GNA12: variants seen among roughly 807,000 people sequenced by gnomAD.
GNA12 encodes the protein G protein subunit alpha 12, also known as guanine nucleotide-binding protein subunit alpha-12.
GNA12 carries 9 observed loss-of-function variants against 26.0 expected under a neutral mutation model. That is an observed-to-expected ratio of 0.35 (90% CI 0.21 to 0.60). The LOEUF (loss-of-function observed/expected upper bound fraction) is 0.60, where lower values mean the gene tolerates loss of function less well. Among genes scored for constraint, GNA12 ranks in the 20% least tolerant of loss-of-function variants. The probability of loss-of-function intolerance (pLI) is 0.78; values close to 1 mark genes in which losing one functional copy is unlikely to be tolerated. For missense variants in GNA12, 405 were observed against 525.8 expected, an observed-to-expected ratio of 0.77 and a Z score of 2.25; for synonymous variants, 264 against 219.6, an observed-to-expected ratio of 1.20 and a Z score of -1.79.
At chr7:2,761,083 T>C (rs1338159591) in intron 2 of GNA12, among the ~76,000 whole-genome samples, 1 of 152,202 alleles carries the variant, frequency 6.6e-6, no homozygotes, top group African/African-American at 2.4e-5. Context: ...ACGCATCTCA[T>C]AGAAAGCATT....
At chr7:2,831,682 C>T (rs1194947754) in intron 1 of GNA12, among the ~76,000 whole-genome samples, 2 of 152,030 alleles carry the variant, frequency 1.3e-5, no homozygotes, top group Non-Finnish European at 2.9e-5. Flanking sequence ...GGATTACAGG[C>T]ATGAACCACC....
At chr7:2,761,107 G>C (rs932853700) in intron 2 of GNA12, among the ~76,000 whole-genome samples, 1 of 152,190 alleles carries the variant, frequency 6.6e-6, no homozygotes, top group Non-Finnish European at 1.5e-5. Context: ...TACACGTCTG[G>C]CTCTCGGCTG....
chr7:2,765,891 C>T (rs139743482), intron 2 of GNA12, among the ~76,000 whole-genome samples: 1,663 of 151,914 alleles, frequency 0.011, 12 homozygotes, highest in Non-Finnish European at 0.016. Context: ...CTCCCCTCCC[C>T]CCAAGTTTCC....
intron 2 of GNA12, among the ~76,000 whole-genome samples, chr7:2,734,359 G>C (rs1771561828): frequency 6.6e-6 from 1 of 152,194 alleles, no homozygotes; most frequent in South Asian, 2.1e-4. Context: ...TTTGAACCCT[G>C]CTCTAAAGAC....
chr7:2,750,530 A>T (rs1408136059), intron 2 of GNA12, among the ~76,000 whole-genome samples: 1 of 152,240 alleles, frequency 6.6e-6, no homozygotes, highest in Non-Finnish European at 1.5e-5. Context: ...TTGATAAGTT[A>T]GGCAGAGTAA....
chr7:2,842,918 A>C (rs1225609932), intron 1 of GNA12, among the ~76,000 whole-genome samples: 1 of 152,256 alleles, frequency 6.6e-6, no homozygotes, highest in Non-Finnish European at 1.5e-5. Flanking sequence ...GGATTGGCAC[A>C]GAATTGATGA....
At chr7:2,825,763 GAA>G (rs1018540170) in intron 1 of GNA12, among the ~76,000 whole-genome samples, 3 of 152,192 alleles carry the variant, frequency 2.0e-5, no homozygotes, top group African/African-American at 7.2e-5. Context: ...AGAAGCCAGG[GAA>G]ACGGCTGTGG....
At chr7:2,824,769 A>G (rs1480168127) in intron 1 of GNA12, among the ~76,000 whole-genome samples, 4 of 152,184 alleles carry the variant, frequency 2.6e-5, no homozygotes, top group African/African-American at 9.7e-5. Context: ...TAACAATGCA[A>G]ATCAAACCGC....
intron 2 of GNA12, among the ~76,000 whole-genome samples, chr7:2,734,488 C>A (rs980368175): frequency 6.6e-6 from 1 of 152,162 alleles, no homozygotes; most frequent in African/African-American, 2.4e-5. Context: ...ACACATGTGG[C>A]GAGCTGACGC....
intron 2 of GNA12, among the ~76,000 whole-genome samples, chr7:2,793,310 G>T (rs868112368): frequency 6.8e-6 from 1 of 146,058 alleles, no homozygotes; most frequent in Non-Finnish European, 1.5e-5. Flanking sequence ...GACAGGACGC[G>T]AGAGGAAGCA....
At chr7:2,782,833 T>TC (rs1412342590) in intron 2 of GNA12, among the ~76,000 whole-genome samples, 1 of 152,140 alleles carries the variant, frequency 6.6e-6, no homozygotes, top group East Asian at 1.9e-4. Flanking sequence ...TTTTATATTC[T>TC]CCCTTTTTGT....
chr7:2,783,573 G>A (rs2115439096), intron 2 of GNA12, among the ~76,000 whole-genome samples: 1 of 152,168 alleles, frequency 6.6e-6, no homozygotes, highest in Admixed American at 6.5e-5. Context: ...CTCAGGCTCT[G>A]CTTCTCCCAC....
chr7:2,811,113 A>G (rs2115481474), intron 1 of GNA12, among the ~76,000 whole-genome samples: 1 of 152,252 alleles, frequency 6.6e-6, no homozygotes, highest in South Asian at 2.1e-4. Context: ...TCAGAATTGG[A>G]AAGGAAATAC....
rs118090917 is a variant in GNA12, at chr7:2,803,304, G to A, written c.310-8161C>T. Among the ~76,000 whole-genome samples, 1,469 of 152,294 alleles carry A rather than the reference G, an allele frequency of 9.6e-3. 10 individuals carry two copies. The highest frequency in any genetic ancestry group is 0.075 in the Middle Eastern group (22 of 294). On this transcript the variant is annotated intron_variant, in intron 1 of 3. Coordinates refer to ENST00000275364, the MANE Select transcript of GNA12 (RefSeq NM_007353.3). ...CTCGCTCACAGACAGGCTGTGGAGAGCTAAGAAGTCTGTGTGAGAAAGGGG... is the reference window on the plus strand; with the variant it reads ...CTCGCTCACAGACAGGCTGTGGAGAACTAAGAAGTCTGTGTGAGAAAGGGG...
chr7:2,745,898 C>A (rs1300230155), intron 2 of GNA12, among the ~76,000 whole-genome samples: 1 of 152,092 alleles, frequency 6.6e-6, no homozygotes, highest in East Asian at 1.9e-4. Flanking sequence ...GACTTTAAAC[C>A]AACAAAGATC....
At chr7:2,748,669 T>C (rs1375245894) in intron 2 of GNA12, among the ~76,000 whole-genome samples, 4 of 152,174 alleles carry the variant, frequency 2.6e-5, no homozygotes, top group African/African-American at 7.2e-5. Context: ...TGGGATCTAA[T>C]TAAACTAAAG....
At chr7:2,809,573 C>T (rs1212826555) in intron 1 of GNA12, among the ~76,000 whole-genome samples, 4 of 152,114 alleles carry the variant, frequency 2.6e-5, no homozygotes, top group Admixed American at 2.6e-4. Context: ...ACCTCCTTTT[C>T]GTATGTCAAA....
chr7:2,762,547 T>C (rs1791611587), intron 2 of GNA12: 1 of 1,327,250 alleles, frequency 7.5e-7, no homozygotes, highest in Non-Finnish European at 1.0e-6. Context: ...CCTTCTATTC[T>C]GGAGTTAGAT....
chr7:2,759,188 TAAAATA>T (rs908324119), intron 2 of GNA12, among the ~76,000 whole-genome samples: 4 of 144,520 alleles, frequency 2.8e-5, no homozygotes, highest in South Asian at 2.2e-4. Flanking sequence ...AATAAATAAA[TAAAATA>T]AAAATAAAAA....
Sources: gnomAD v4.1 joint callset for allele counts (sites outside exome capture counted in the v4.1 genomes callset) on GRCh38, gnomAD v4.1.1 for gene constraint, MANE v1.5 for transcripts, NCBI Gene and HGNC (gene_info 2026-07-23, HGNC 2026-07-21) for gene names.